Variants in ROBO2 observed in about 807,000 individuals in gnomAD.
The protein encoded by ROBO2 is roundabout guidance receptor 2.
ROBO2 carries 53 observed loss-of-function variants against 160.8 expected under a neutral mutation model. That is an observed-to-expected ratio of 0.33 (90% CI 0.26 to 0.41). The LOEUF (loss-of-function observed/expected upper bound fraction) is 0.41, where lower values mean the gene tolerates loss of function less well. Ranked by LOEUF, ROBO2 falls within the 10% of genes least tolerant of loss-of-function variation. ROBO2 has a pLI of 1.00. For missense variants in ROBO2, 1,577 were observed against 1,722.4 expected (o/e 0.92, Z 1.49); for synonymous variants, 664 against 611.7 (o/e 1.09, Z -1.26).
intron 1 of ROBO2, among the ~76,000 whole-genome samples, chr3:77,056,294 C>T (rs971664906): frequency 5.3e-5 from 8 of 152,110 alleles, no homozygotes; most frequent in African/African-American, 1.9e-4. Context: ...CCCCAACCAC[C>T]GTTTGTTAAG....
At chr3:76,409,545 T>C (rs2108821043) in intron 2 of ROBO2, among the ~76,000 whole-genome samples, 1 of 152,152 alleles carries the variant, frequency 6.6e-6, no homozygotes, top group Non-Finnish European at 1.5e-5. Context: ...AAAACAAAAC[T>C]CACATTTTAA....
chr3:77,074,026 A>G (rs1300109265), intron 1 of ROBO2, among the ~76,000 whole-genome samples: 1 of 152,232 alleles, frequency 6.6e-6, no homozygotes, highest in African/African-American at 2.4e-5. Flanking sequence ...AGAAACGTGG[A>G]AGTGTTTTAC....
At chr3:76,531,960 A>G (rs1391079366) in intron 2 of ROBO2, among the ~76,000 whole-genome samples, 3 of 152,114 alleles carry the variant, frequency 2.0e-5, no homozygotes, top group Non-Finnish European at 2.9e-5. Flanking sequence ...ACTCTGCCCA[A>G]TGTGACATGT....
chr3:76,299,639 C>T (rs987971502), intron 2 of ROBO2, among the ~76,000 whole-genome samples: 21 of 152,114 alleles, frequency 1.4e-4, no homozygotes, highest in African/African-American at 4.1e-4. Context: ...ACAAAATACA[C>T]AGGAGGCTAG....
intron 2 of ROBO2, among the ~76,000 whole-genome samples, chr3:76,000,785 T>C (rs764314965): frequency 1.6e-4 from 24 of 152,144 alleles, no homozygotes; most frequent in Non-Finnish European, 3.2e-4. Context: ...GATTTTACTC[T>C]AGTATATTTA....
At chr3:77,230,429 G>A (rs1243451437) in intron 2 of ROBO2, among the ~76,000 whole-genome samples, 1 of 152,034 alleles carries the variant, frequency 6.6e-6, no homozygotes, top group Non-Finnish European at 1.5e-5. Context: ...TAATATAAAC[G>A]AAAGTTATTC....
At position 76,659,820 on chromosome 3, in the gene ROBO2, G is replaced by C. The variant is rs2091742423; in HGVS notation, c.110-438194G>C. Reference sequence around the variant, plus strand: ...GGTTATTCCACAGTTGTATGAGTGAGAGCTGGGAAAAACCATGGCCAGGGT... The same window carrying C: ...GGTTATTCCACAGTTGTATGAGTGACAGCTGGGAAAAACCATGGCCAGGGT... On this transcript the variant is annotated intron_variant, in intron 2 of 26. Transcript: ENST00000487694. 2.0e-5 allele frequency among the ~76,000 whole-genome samples: 3 copies of C among 152,178 alleles called. No individual in the cohort carries two copies. In the South Asian group the frequency reaches 6.2e-4, roughly 31 times the overall value.
intron 1 of ROBO2, among the ~76,000 whole-genome samples, chr3:75,931,779 G>T (rs1333537229): frequency 1.3e-5 from 2 of 151,960 alleles, no homozygotes; most frequent in Non-Finnish European, 2.9e-5. Flanking sequence ...GACTTTGCAT[G>T]TGAATACATT....
intron 2 of ROBO2, among the ~76,000 whole-genome samples, chr3:76,646,060 G>T (rs779197193): frequency 3.9e-4 from 60 of 152,112 alleles, no homozygotes; most frequent in Non-Finnish European, 8.1e-4. Flanking sequence ...TTCGAGACGT[G>T]ATTCCTCAGG....
intron 2 of ROBO2, among the ~76,000 whole-genome samples, chr3:76,778,782 C>G (rs2062442957): frequency 6.6e-6 from 1 of 151,006 alleles, no homozygotes; most frequent in Non-Finnish European, 1.5e-5. Context: ...CAGTTCAATT[C>G]CCATCACCAT....
chr3:77,214,278 A>G (rs1023758200), intron 2 of ROBO2, among the ~76,000 whole-genome samples: 15 of 152,112 alleles, frequency 9.9e-5, no homozygotes, highest in East Asian at 5.8e-4. Flanking sequence ...TTGGGTGCAT[A>G]TATATTTAGG....
chr3:76,809,567 C>A (rs1233652781), intron 2 of ROBO2, among the ~76,000 whole-genome samples: 1 of 152,148 alleles, frequency 6.6e-6, no homozygotes, highest in African/African-American at 2.4e-5. Context: ...GAGGAAGAGA[C>A]AGCACAAAGG....
intron 2 of ROBO2, among the ~76,000 whole-genome samples, chr3:76,135,032 C>T (rs1294904205): frequency 1.3e-5 from 2 of 152,068 alleles, no homozygotes; most frequent in Non-Finnish European, 2.9e-5. Context: ...CTTACGGGGC[C>T]AGTGGCTCTG....
At chr3:77,437,975 G>A (rs1468667708) in intron 2 of ROBO2, among the ~76,000 whole-genome samples, 2 of 151,850 alleles carry the variant, frequency 1.3e-5, no homozygotes, top group African/African-American at 4.8e-5. Flanking sequence ...ATGCCTTAAA[G>A]CAATTTAAAA....
At chr3:76,959,952 T>C (rs1435794261) in intron 2 of ROBO2, among the ~76,000 whole-genome samples, 1 of 137,890 alleles carries the variant, frequency 7.3e-6, no homozygotes, top group Non-Finnish European at 1.5e-5. Flanking sequence ...TTATCCATCT[T>C]TTTTTTTATT....
chr3:76,151,976 C>G (rs2072226393), intron 2 of ROBO2, among the ~76,000 whole-genome samples: 1 of 152,102 alleles, frequency 6.6e-6, no homozygotes. Context: ...AAATACTATG[C>G]CAATATTAAA....
chr3:77,012,175 C>T (rs747178394), intron 2 of ROBO2, among the ~76,000 whole-genome samples: 10 of 152,056 alleles, frequency 6.6e-5, no homozygotes, highest in African/African-American at 1.7e-4. Flanking sequence ...TTTGATACTT[C>T]GGGAATGTGT....
intron 13 of ROBO2, 106 bp from the exon 15 acceptor site, chr3:77,574,390 AGTT>A: frequency 4.6e-6 from 4 of 867,876 alleles, no homozygotes; most frequent in South Asian, 2.8e-5. Flanking sequence ...GACATCACTC[AGTT>A]GATAGTTATG....
chr3:76,877,376 T>A (rs1377505518), intron 2 of ROBO2, among the ~76,000 whole-genome samples: 2 of 152,178 alleles, frequency 1.3e-5, no homozygotes, highest in Admixed American at 6.5e-5. Flanking sequence ...TAATTTAGTA[T>A]TCTGTGCTCT....
Sources: gnomAD v4.1 joint callset for allele counts (sites outside exome capture counted in the v4.1 genomes callset) on GRCh38, gnomAD v4.1.1 for gene constraint, MANE v1.5 for transcripts, NCBI Gene and HGNC (gene_info 2026-07-23, HGNC 2026-07-21) for gene names.